BRI3BP: variants seen among roughly 807,000 people sequenced by gnomAD.
BRI3BP encodes BRI3-binding protein.
A neutral mutation model predicts 15.8 loss-of-function variants in BRI3BP; 7 were observed. The ratio of observed to expected loss-of-function variants is 0.44; its 90% CI spans 0.25 to 0.83. The LOEUF is 0.83. Among genes scored for constraint, BRI3BP ranks in the 40% least tolerant of loss-of-function variants. The pLI, the probability that BRI3BP is intolerant of heterozygous loss-of-function variation, is 0.20. For synonymous variants in BRI3BP, 192 were observed against 163.5 expected (o/e 1.17, Z -1.33); for missense variants, 320 against 339.3 (o/e 0.94, Z 0.45).
chr12:125,016,248 C>T (rs767595959), intron 2 of BRI3BP, among the ~76,000 whole-genome samples: 5 of 151,974 alleles, frequency 3.3e-5, no homozygotes, highest in Non-Finnish European at 4.4e-5. Flanking sequence ...GTGTCTTATG[C>T]GTAGAAGTTT....
At chr12:125,018,146 AC>A (rs1955263347) in intron 2 of BRI3BP, among the ~76,000 whole-genome samples, 1 of 152,102 alleles carries the variant, frequency 6.6e-6, no homozygotes, top group Non-Finnish European at 1.5e-5. Context: ...GGCCAGCTGC[AC>A]CCAGAGCCAG....
chr12:125,012,675 A>G lies in BRI3BP; in HGVS notation c.316+39A>G, dbSNP rs200760550. The G allele has an allele frequency of 1.7e-4, 254 of 1,488,808 alleles. No homozygotes were observed. The African/African-American group carries it at 2.9e-3, about 17-fold the overall frequency. 92.2% of individuals were successfully genotyped at this position (1,488,808 alleles called of 1,614,324 possible). ...TGGCATTCACGTAAGGTGTCATTCT[A>G]TTTTGGTGGTTCTCATAGTGTGGAA... On this transcript the variant is annotated intron_variant, in intron 2 of 2. Transcript: ENST00000341446.
At chr12:125,017,661 T>C (rs541175209) in intron 2 of BRI3BP, among the ~76,000 whole-genome samples, 2 of 152,270 alleles carry the variant, frequency 1.3e-5, no homozygotes, top group Admixed American at 6.5e-5. Flanking sequence ...TTTGTCCCCA[T>C]TCTAGATCTG....
intron 1 of BRI3BP, among the ~76,000 whole-genome samples, chr12:125,001,801 T>A (rs1427987067): frequency 6.6e-6 from 1 of 152,174 alleles, no homozygotes; most frequent in Non-Finnish European, 1.5e-5. Context: ...TGTAGTATAT[T>A]CACAGTGCTG....
intron 1 of BRI3BP, among the ~76,000 whole-genome samples, chr12:125,002,179 C>A (rs1424494847): frequency 6.6e-6 from 1 of 152,278 alleles, no homozygotes. Context: ...TATCCATGTG[C>A]AAATATTTGT....
chr12:125,005,082 A>G (rs1955129955), intron 1 of BRI3BP, among the ~76,000 whole-genome samples: 1 of 152,094 alleles, frequency 6.6e-6, no homozygotes, highest in African/African-American at 2.4e-5. Flanking sequence ...TCCTGAACTC[A>G]AGTGATCTGC....
intron 2 of BRI3BP, among the ~76,000 whole-genome samples, chr12:125,019,635 CTTTTT>C (rs1205730966): frequency 9.1e-5 from 3 of 33,056 alleles, no homozygotes; most frequent in Admixed American, 3.6e-4. Flanking sequence ...TAATTCCACC[CTTTTT>C]TTTTTTTTTT....
the BRI3BP span, among the ~76,000 whole-genome samples, chr12:125,043,069 T>TAAAA: frequency 6.7e-6 from 1 of 148,402 alleles, no homozygotes. Flanking sequence ...CTTGATGGGT[T>TAAAA]AAAAAAAAAA....
intron 2 of BRI3BP, among the ~76,000 whole-genome samples, chr12:125,019,156 C>A (rs1391001175): frequency 6.6e-6 from 1 of 152,176 alleles, no homozygotes; most frequent in Non-Finnish European, 1.5e-5. Flanking sequence ...CTGCGCCCGG[C>A]CTTCTACTCC....
Position 125,009,618 on chromosome 12 carries a change from A to T in BRI3BP, c.214-2916A>T, listed in dbSNP as rs977755623. 2.0e-3 allele frequency among the ~76,000 whole-genome samples: 4 copies of T among 2,034 alleles called. No individual in the cohort carries two copies. In the East Asian group the frequency reaches 0.11, roughly 54 times the overall value. 1.3% of individuals were successfully genotyped at this position (2,034 alleles called of 152,430 possible). A position where few individuals can be genotyped will look rare whatever the true frequency, so the allele number is the denominator to read the frequency against. On this transcript the variant is annotated intron_variant, in intron 1 of 2. Coordinates refer to ENST00000341446, the MANE Select transcript of BRI3BP (RefSeq NM_080626.6). ...AATGTTTTCTTAAGGTAAATTAGAG[A>T]TGGGGGGGGGGTCTCATTTTGTTGC...
intron 1 of BRI3BP, among the ~76,000 whole-genome samples, chr12:125,003,823 C>T (rs1320646754): frequency 6.6e-6 from 1 of 152,008 alleles, no homozygotes; most frequent in Admixed American, 6.6e-5. Flanking sequence ...CATGGTGGCG[C>T]TCACCTATAA....
chr12:125,001,728 CT>C (rs11431169), intron 1 of BRI3BP, among the ~76,000 whole-genome samples: 96 of 147,730 alleles, frequency 6.5e-4, no homozygotes, highest in South Asian at 1.1e-3. Flanking sequence ...GACTAAATGT[CT>C]TTTTTTTTTT....
chr12:125,039,142 G>T, the BRI3BP span, among the ~76,000 whole-genome samples: 5 of 152,112 alleles, frequency 3.3e-5, no homozygotes, highest in Non-Finnish European at 7.4e-5. Flanking sequence ...GCTCAGAGAG[G>T]TCAAGTGACC....
chr12:125,047,736 G>T, the BRI3BP span, among the ~76,000 whole-genome samples: 1 of 151,770 alleles, frequency 6.6e-6, no homozygotes, highest in South Asian at 2.1e-4. Flanking sequence ...TCGCTTTGCT[G>T]CCCAGGCTGC....
chr12:125,022,541 A>ATTTATTTATTTTTTTTTTTTTTTT, intron 2 of BRI3BP, among the ~76,000 whole-genome samples: 3 of 139,404 alleles, frequency 2.2e-5, no homozygotes, highest in African/African-American at 8.7e-5. Flanking sequence ...TTATTTATTT[A>ATTTATTTATTTTTTTTTTTTTTTT]TTTTTTGAGA....
At position 125,026,296 on chromosome 12, in the gene BRI3BP, T is replaced by G. The variant is rs981530654; in HGVS notation, c.*866T>G. The G allele has an allele frequency of 6.6e-6, 1 of 150,424 alleles. No homozygotes were observed. Among genetic ancestry groups the G allele is most frequent in the African/African-American group, 2.5e-5 (1 of 40,792 alleles). The allele number at this position is 150,424 out of a possible 1,614,324, so 9.3% of individuals were successfully genotyped here. A position where few individuals can be genotyped will look rare whatever the true frequency, so the allele number is the denominator to read the frequency against. On this transcript the variant is annotated 3_prime_UTR_variant, in exon 3 of 3. Coordinates refer to ENST00000341446, the MANE Select transcript of BRI3BP (RefSeq NM_080626.6). ...TTGCAGTTTGCTCACTAGGGCTATA[T>G]ACAAAAGCTATACCCTTGAGGGTTT...
At chr12:125,011,093 TAAAAAA>T (rs35697952) in intron 1 of BRI3BP, among the ~76,000 whole-genome samples, 3 of 93,462 alleles carry the variant, frequency 3.2e-5, no homozygotes, top group Admixed American at 2.6e-4. Flanking sequence ...GACCCTGTCT[TAAAAAA>T]AAAAAAAAAA....
Position 124,993,856 on chromosome 12 carries a change from G to GCTT in BRI3BP, c.68_69insTCT (p.Leu25dup). 1 of 1,212,956 alleles carries GCTT rather than the reference G, an allele frequency of 8.2e-7. No homozygotes were observed. The highest frequency in any genetic ancestry group is 1.0e-6 in the Non-Finnish European group (1 of 971,288). 75.1% of individuals were successfully genotyped at this position (1,212,956 alleles called of 1,614,324 possible). ...GGCTCCTGCTGCTGCTGCTGCTGCTGCTGCTGCTCGGGCTGCTGGCCCCGG... is the reference window on the plus strand; with the variant it reads ...GGCTCCTGCTGCTGCTGCTGCTGCTGCTTCTGCTGCTCGGGCTGCTGGCCCCGG... On this transcript the variant is annotated inframe_insertion, in exon 1 of 3. Transcript: ENST00000341446.
intron 2 of BRI3BP, among the ~76,000 whole-genome samples, chr12:125,013,110 G>T (rs1163659865): frequency 6.6e-6 from 1 of 152,058 alleles, no homozygotes; most frequent in Admixed American, 6.6e-5. Flanking sequence ...AAAAACAAAT[G>T]GCCCATCAAA....
Sources: gnomAD v4.1 joint callset for allele counts (sites outside exome capture counted in the v4.1 genomes callset) on GRCh38, gnomAD v4.1.1 for gene constraint, MANE v1.5 for transcripts, NCBI Gene and HGNC (gene_info 2026-07-23, HGNC 2026-07-21) for gene names.